Variants in CDH8 observed in about 807,000 individuals in gnomAD.
CDH8 encodes the protein cadherin 8, also known as cadherin-8.
Under a neutral mutation model 68.1 loss-of-function variants are expected in CDH8, and 17 were observed. The ratio of observed to expected loss-of-function variants is 0.25; its 90% CI spans 0.17 to 0.37. The LOEUF (loss-of-function observed/expected upper bound fraction) is 0.37. Among genes scored for constraint, CDH8 ranks in the 10% least tolerant of loss-of-function variants. The pLI is 1.00. For missense variants in CDH8, 763 were observed against 999.3 expected (o/e 0.76, Z 3.19); for synonymous variants, 372 against 365.1 (o/e 1.02, Z -0.21).
At chr16:61,669,772 A>C (rs1219669849) in intron 10 of CDH8, among the ~76,000 whole-genome samples, 2 of 152,074 alleles carry the variant, frequency 1.3e-5, no homozygotes, top group Non-Finnish European at 2.9e-5. Flanking sequence ...GGAGTGGCTC[A>C]GTCAAGAAGA....
intron 3 of CDH8, among the ~76,000 whole-genome samples, chr16:61,869,937 T>C (rs985391360): frequency 6.6e-6 from 1 of 152,246 alleles, no homozygotes; most frequent in East Asian, 1.9e-4. Flanking sequence ...CATATACATT[T>C]TCTAACAGCT....
chr16:61,664,248 A>T, intron 10 of CDH8, among the ~76,000 whole-genome samples: 1 of 152,006 alleles, frequency 6.6e-6, no homozygotes, highest in South Asian at 2.1e-4. Flanking sequence ...ATATCTCCAG[A>T]TAAATGAGTT....
chr16:61,962,989 T>C (rs2150572556), intron 2 of CDH8, among the ~76,000 whole-genome samples: 1 of 152,352 alleles, frequency 6.6e-6, no homozygotes, highest in Admixed American at 6.5e-5. Flanking sequence ...TTTTAATGAC[T>C]ATGCACCATT....
At chr16:61,745,167 G>T (rs1959985919) in intron 8 of CDH8, among the ~76,000 whole-genome samples, 2 of 149,678 alleles carry the variant, frequency 1.3e-5, no homozygotes, top group African/African-American at 4.9e-5. Flanking sequence ...ATTTTGGCTT[G>T]GCAATTATTT....
At chr16:61,675,053 T>C (rs1401367981) in intron 10 of CDH8, among the ~76,000 whole-genome samples, 2 of 151,322 alleles carry the variant, frequency 1.3e-5, no homozygotes, top group African/African-American at 4.9e-5. Flanking sequence ...AAAGAATGAA[T>C]AAAATGAAAA....
intron 2 of CDH8, among the ~76,000 whole-genome samples, chr16:61,922,149 A>G (rs1964379896): frequency 6.6e-6 from 1 of 152,234 alleles, no homozygotes; most frequent in Non-Finnish European, 1.5e-5. Flanking sequence ...GTGTGCACAC[A>G]GCCCCAATAA....
At chr16:61,833,082 T>G (rs540179063) in intron 4 of CDH8, among the ~76,000 whole-genome samples, 1 of 151,808 alleles carries the variant, frequency 6.6e-6, no homozygotes, top group South Asian at 2.1e-4. Context: ...TCCCTGAGGC[T>G]CACTGATCTC....
chr16:61,749,090 A>C lies in CDH8; in HGVS notation c.1415-21875T>G, dbSNP rs555254373. ...TAAGGCAGAGTAGCAAATTCATTTC[A>C]TTTGGAATATCTACAATAAAACGTA... On this transcript the variant is annotated intron_variant, in intron 8 of 11. Transcript: ENST00000577390. 1.8e-4 allele frequency among the ~76,000 whole-genome samples: 27 copies of C among 152,194 alleles called. 1 individual carries two copies. The South Asian group carries it at 5.6e-3, about 31-fold the overall frequency.
chr16:61,664,083 C>T (rs977871173), intron 10 of CDH8, among the ~76,000 whole-genome samples: 1 of 151,892 alleles, frequency 6.6e-6, no homozygotes, highest in Non-Finnish European at 1.5e-5. Context: ...CAAACATCTT[C>T]CCTCCTCAGG....
intron 2 of CDH8, among the ~76,000 whole-genome samples, chr16:61,972,573 T>TGG (rs1965358874): frequency 1.1e-5 from 1 of 89,474 alleles, no homozygotes; most frequent in Non-Finnish European, 2.2e-5. Flanking sequence ...ACATTGTGGG[T>TGG]GTGTGTGTGT....
rs553036078 is a variant in CDH8, at chr16:61,780,599, C to T, written c.1414+8747G>A. Among the ~76,000 whole-genome samples the T allele has an allele frequency of 3.2e-4, 48 of 152,314 alleles. No homozygotes were observed. In the East Asian group the frequency reaches 8.9e-3, roughly 28 times the overall value. On this transcript the variant is annotated intron_variant, in intron 8 of 11. Transcript: ENST00000577390. ...GACTATTTCTTTATCATTATTAGAA[C>T]CTCCCCCTATGGGGTTCTGCTATTC...
At chr16:61,722,655 G>T (rs1474979169) in intron 9 of CDH8, among the ~76,000 whole-genome samples, 1 of 150,650 alleles carries the variant, frequency 6.6e-6, no homozygotes, top group African/African-American at 2.4e-5. Flanking sequence ...ATTACTTTTT[G>T]AAGTATCTGT....
intron 2 of CDH8, among the ~76,000 whole-genome samples, chr16:61,938,628 G>T (rs903619583): frequency 6.6e-6 from 1 of 152,166 alleles, no homozygotes; most frequent in South Asian, 2.1e-4. Flanking sequence ...TAAATAAAGT[G>T]CATCTGCCTG....
chr16:61,935,095 G>A (rs529768782), intron 2 of CDH8, among the ~76,000 whole-genome samples: 1 of 152,262 alleles, frequency 6.6e-6, no homozygotes, highest in Admixed American at 6.5e-5. Flanking sequence ...ATTACACATG[G>A]ATTGGACATT....
chr16:61,774,868 G>A (rs1033240605), intron 8 of CDH8, among the ~76,000 whole-genome samples: 2 of 152,130 alleles, frequency 1.3e-5, no homozygotes, highest in Non-Finnish European at 2.9e-5. Context: ...ACAACAAAGT[G>A]AGGACTTATA....
chr16:61,777,597 G>A (rs887937666), intron 8 of CDH8, among the ~76,000 whole-genome samples: 2 of 152,114 alleles, frequency 1.3e-5, no homozygotes, highest in African/African-American at 4.8e-5. Flanking sequence ...TTCTTAGACT[G>A]GAAGGAACAA....
chr16:61,654,322 A>T (rs1963393261), intron 11 of CDH8, among the ~76,000 whole-genome samples: 1 of 152,170 alleles, frequency 6.6e-6, no homozygotes, highest in Admixed American at 6.5e-5. Flanking sequence ...ATGGTGATAG[A>T]GCTGGGTTAA....
intron 3 of CDH8, among the ~76,000 whole-genome samples, chr16:61,887,363 C>T (rs1391276977): frequency 6.6e-6 from 1 of 152,128 alleles, no homozygotes; most frequent in Non-Finnish European, 1.5e-5. Flanking sequence ...AATACAGCTG[C>T]CATAACAAAA....
At chr16:61,883,635 C>T (rs1015661444) in intron 3 of CDH8, among the ~76,000 whole-genome samples, 35 of 150,762 alleles carry the variant, frequency 2.3e-4, no homozygotes, top group Admixed American at 2.2e-3. Flanking sequence ...TTTTATATGA[C>T]ATATCCCATG....
Sources: gnomAD v4.1 joint callset for allele counts (sites outside exome capture counted in the v4.1 genomes callset) on GRCh38, gnomAD v4.1.1 for gene constraint, MANE v1.5 for transcripts, NCBI Gene and HGNC (gene_info 2026-07-23, HGNC 2026-07-21) for gene names.